SPTLC1: variants seen among roughly 807,000 people sequenced by gnomAD.
SPTLC1 encodes serine palmitoyltransferase long chain base subunit 1.
In SPTLC1, 55 loss-of-function variants were observed where a neutral mutation model predicts 68.9. The observed-to-expected ratio is 0.80, with a 90% confidence interval of 0.64 to 1.00. SPTLC1 has a LOEUF of 1.00. Ranked by LOEUF, SPTLC1 falls within the 50% of genes least tolerant of loss-of-function variation. The pLI is 0.00. For missense variants in SPTLC1, 449 were observed against 573.1 expected, an observed-to-expected ratio of 0.78 and a Z score of 2.21; for synonymous variants, 197 against 201.6, an observed-to-expected ratio of 0.98 and a Z score of 0.19.
rs368415983 is a variant in SPTLC1, at chr9:92,088,765, G to A, written c.261-7802C>T. Among the ~76,000 whole-genome samples the A allele has an allele frequency of 3.0e-4, 45 of 152,164 alleles. 1 individual carries two copies. Among genetic ancestry groups the A allele is most frequent in the East Asian group, 1.9e-4 (1 of 5,198 alleles). On this transcript the variant is annotated intron_variant, in intron 3 of 14. Coordinates refer to ENST00000262554, the MANE Select transcript of SPTLC1 (RefSeq NM_006415.4). ...ATTTCTGTCCAGCACTTGGAGTAGC[G>A]AAGGAACAAAGTTTCCGGTGAGAAA...
At chr9:92,113,217 C>T (rs1212888267) in intron 1 of SPTLC1, among the ~76,000 whole-genome samples, 1 of 152,214 alleles carries the variant, frequency 6.6e-6, no homozygotes, top group East Asian at 1.9e-4. Flanking sequence ...TCAAATTCTA[C>T]ATTCAACACG....
intron 5 of SPTLC1, among the ~76,000 whole-genome samples, chr9:92,077,732 G>A (rs1376995916): frequency 6.6e-6 from 1 of 152,044 alleles, no homozygotes; most frequent in Non-Finnish European, 1.5e-5. Context: ...ACCAGTTCAC[G>A]CTTTTACTCC....
At chr9:92,087,537 A>T (rs1384355087) in intron 3 of SPTLC1, among the ~76,000 whole-genome samples, 1 of 152,244 alleles carries the variant, frequency 6.6e-6, no homozygotes, top group Non-Finnish European at 1.5e-5. Context: ...GGCTATCAGC[A>T]GCAGTGGCTG....
At chr9:92,092,256 G>T (rs1835387596) in intron 3 of SPTLC1, among the ~76,000 whole-genome samples, 1 of 152,170 alleles carries the variant, frequency 6.6e-6, no homozygotes, top group Admixed American at 6.5e-5. Flanking sequence ...CATAAAGCAA[G>T]TGTCAACAAG....
intron 6 of SPTLC1, among the ~76,000 whole-genome samples, chr9:92,062,441 G>T (rs1184699444): frequency 1.3e-5 from 2 of 152,094 alleles, no homozygotes; most frequent in Non-Finnish European, 2.9e-5. Flanking sequence ...ACAACTGATA[G>T]AAGAACTAGA....
At chr9:92,104,268 T>A (rs1835869380) in intron 3 of SPTLC1, among the ~76,000 whole-genome samples, 1 of 152,222 alleles carries the variant, frequency 6.6e-6, no homozygotes, top group Admixed American at 6.5e-5. Context: ...ACCGGCAACC[T>A]GCTCGTCTTG....
chr9:92,067,273 G>C (rs1048161230), intron 6 of SPTLC1, among the ~76,000 whole-genome samples: 1 of 151,014 alleles, frequency 6.6e-6, no homozygotes, highest in Non-Finnish European at 1.5e-5. Context: ...CACTCCAGCC[G>C]TGGTGACAAA....
chr9:92,115,305 G>T lies in SPTLC1; in HGVS notation c.57+9C>A, dbSNP rs776943952. 1 of 1,611,672 alleles carries T rather than the reference G, an allele frequency of 6.2e-7. No homozygotes were observed. Among genetic ancestry groups the T allele is most frequent in the East Asian group, 2.2e-5 (1 of 44,882 alleles). ...TGTGGTCGCGGACCGCTAATGGCGC[G>T]GAGCCCACCTCGTAAAGCGCCTGTA... On this transcript the variant is annotated intron_variant, in intron 1 of 14. Transcript: ENST00000262554.
chr9:92,056,706 G>C (rs767167364), intron 7 of SPTLC1, among the ~76,000 whole-genome samples: 1 of 152,148 alleles, frequency 6.6e-6, no homozygotes, highest in Non-Finnish European at 1.5e-5. Context: ...CTAAGTTTCT[G>C]CTCCAATGGA....
At chr9:92,052,429 A>T (rs1345196172) in intron 8 of SPTLC1, among the ~76,000 whole-genome samples, 1 of 152,230 alleles carries the variant, frequency 6.6e-6, no homozygotes. Flanking sequence ...AAATGAACTC[A>T]AATGAACTAC....
intron 2 of SPTLC1, chr9:92,110,664 A>G (rs987368066): frequency 6.6e-6 from 1 of 152,186 alleles, no homozygotes. Flanking sequence ...TACCATCTCT[A>G]TTATGCCTAG....
Position 92,068,101 on chromosome 9 carries a change from A to C in SPTLC1, c.428-3T>G. On this transcript the variant is annotated splice_polypyrimidine_tract_variant and splice_region_variant and intron_variant, in intron 5 of 14. Transcript: ENST00000262554. The stretch of plus-strand genomic sequence containing the variant: ...GTCTTCCAAATCCAAATGAACATCT[A>C]TTTCAGTTAAAAAAGTTAAATGGTT... 1 of 1,613,480 alleles carries C rather than the reference A, an allele frequency of 6.2e-7. No individual in the cohort carries two copies. The highest frequency in any genetic ancestry group is 8.5e-7 in the Non-Finnish European group (1 of 1,179,688).
At chr9:92,084,565 C>T (rs1835033864) in intron 3 of SPTLC1, among the ~76,000 whole-genome samples, 2 of 152,078 alleles carry the variant, frequency 1.3e-5, no homozygotes, top group Admixed American at 6.5e-5. Context: ...ATATATTGAA[C>T]CAGCCTTGCA....
intron 8 of SPTLC1, among the ~76,000 whole-genome samples, chr9:92,053,198 G>A (rs1035588486): frequency 6.6e-6 from 1 of 151,304 alleles, no homozygotes; most frequent in African/African-American, 2.4e-5. Context: ...CAAAACCACA[G>A]TGAGATACTA....
chr9:92,106,739 C>T (rs1006661571), intron 3 of SPTLC1, among the ~76,000 whole-genome samples: 1 of 152,114 alleles, frequency 6.6e-6, no homozygotes, highest in African/African-American at 2.4e-5. Context: ...ACCTTGCCCC[C>T]ATTTTGGGGG....
intron 12 of SPTLC1, among the ~76,000 whole-genome samples, chr9:92,039,508 C>T (rs1564081558): frequency 6.6e-6 from 1 of 152,140 alleles, no homozygotes; most frequent in East Asian, 1.9e-4. Context: ...ACTATCTAGT[C>T]AGGTTCATTT....
intron 3 of SPTLC1, among the ~76,000 whole-genome samples, chr9:92,100,758 G>A (rs1412777743): frequency 6.7e-6 from 1 of 148,418 alleles, no homozygotes; most frequent in Non-Finnish European, 1.5e-5. Flanking sequence ...GTCCTGAGCA[G>A]AAAAACAAAC....
intron 8 of SPTLC1, among the ~76,000 whole-genome samples, chr9:92,054,324 C>T (rs1199277354): frequency 6.6e-6 from 1 of 152,072 alleles, no homozygotes; most frequent in Non-Finnish European, 1.5e-5. Flanking sequence ...GCAAGCTATG[C>T]TTTCATTCAT....
chr9:92,034,416 G>A (rs1016623161), intron 14 of SPTLC1, among the ~76,000 whole-genome samples: 3 of 152,218 alleles, frequency 2.0e-5, no homozygotes, highest in African/African-American at 7.2e-5. Flanking sequence ...GCTGACTGAA[G>A]GAGCAGCAGA....
Sources: gnomAD v4.1 joint callset for allele counts (sites outside exome capture counted in the v4.1 genomes callset) on GRCh38, gnomAD v4.1.1 for gene constraint, MANE v1.5 for transcripts, NCBI Gene and HGNC (gene_info 2026-07-23, HGNC 2026-07-21) for gene names.